The following PUM2 variants were observed in gnomAD, a reference collection of about 807,000 sequenced individuals.
The protein encoded by PUM2 is pumilio RNA binding family member 2.
In PUM2, 57 loss-of-function variants were observed where a neutral mutation model predicts 124.5. That is an observed-to-expected ratio of 0.46 (90% CI 0.37 to 0.57). The LOEUF (loss-of-function observed/expected upper bound fraction) is 0.57. Among genes scored for constraint, PUM2 ranks in the 20% least tolerant of loss-of-function variants. The pLI is 0.00. For missense variants in PUM2, 1,065 were observed against 1,290.6 expected, an observed-to-expected ratio of 0.83 and a Z score of 2.68; for synonymous variants, 460 against 446.1, an observed-to-expected ratio of 1.03 and a Z score of -0.39.
intron 3 of PUM2, 25 bp from the exon 4 acceptor site, chr2:20,312,448 A>T: frequency 6.3e-7 from 1 of 1,581,590 alleles, no homozygotes; most frequent in Non-Finnish European, 8.6e-7. Flanking sequence ...AAACACAATT[A>T]TATACTTATA....
chr2:20,308,528 G>C lies in PUM2; in HGVS notation c.575C>G (p.Pro192Arg), dbSNP rs769949260. The C allele has an allele frequency of 6.2e-7, 1 of 1,614,040 alleles. No homozygotes were observed. The highest frequency in any genetic ancestry group is 2.2e-5 in the East Asian group (1 of 44,884). Residue 192 changes from proline to arginine, a missense_variant, in exon 6 of 21, where the codon CCC (proline) becomes CGC (arginine). Pro to Arg is a moderately radical substitution (Grantham distance 103). Transcript: ENST00000361078. ...CAGTCCTTCTGAGGGATTAGTATTG[G>C]GGCCCAAGCGCTCAACTACTTCAGT... The part of the protein sequence containing the change: ...SPTEVVERLG[P>R]NTNPSEGLGP...
intron 1 of PUM2, among the ~76,000 whole-genome samples, chr2:20,336,717 G>C (rs1686137732): frequency 6.8e-6 from 1 of 146,912 alleles, no homozygotes; most frequent in South Asian, 2.2e-4. Context: ...GTGTGTTACA[G>C]ACGGGGTCTC....
At chr2:20,314,917 A>G (rs1471736044) in intron 3 of PUM2, among the ~76,000 whole-genome samples, 1 of 152,034 alleles carries the variant, frequency 6.6e-6, no homozygotes, top group Non-Finnish European at 1.5e-5. Context: ...TGATACTATG[A>G]GATCTGAAAG....
At chr2:20,329,273 A>G (rs551547500) in intron 1 of PUM2, among the ~76,000 whole-genome samples, 1 of 151,694 alleles carries the variant, frequency 6.6e-6, no homozygotes, top group African/African-American at 2.4e-5. Context: ...CTACAAAAAG[A>G]ATACAAAAAT....
At chr2:20,290,233 C>G (rs544517484) in intron 10 of PUM2, among the ~76,000 whole-genome samples, 2 of 152,256 alleles carry the variant, frequency 1.3e-5, no homozygotes, top group Admixed American at 1.3e-4. Flanking sequence ...CAAGATTAAA[C>G]AGGGTTCAAA....
intron 1 of PUM2, among the ~76,000 whole-genome samples, chr2:20,343,711 G>C (rs1280282695): frequency 6.6e-6 from 1 of 152,110 alleles, no homozygotes; most frequent in Non-Finnish European, 1.5e-5. Context: ...AGACCACATG[G>C]GGCAACAAAT....
chr2:20,338,135 G>A (rs1002957627), intron 1 of PUM2, among the ~76,000 whole-genome samples: 7 of 152,148 alleles, frequency 4.6e-5, no homozygotes, highest in Non-Finnish European at 8.8e-5. Context: ...GGTGGCTCAC[G>A]CCTGTAATCC....
intron 16 of PUM2, 85 bp from the exon 17 acceptor site, chr2:20,256,255 T>C: frequency 1.6e-6 from 2 of 1,285,544 alleles, no homozygotes; most frequent in Admixed American, 3.0e-5. Flanking sequence ...AAATTAAAAA[T>C]ATTAAAAATC....
At chr2:20,347,370 GA>G (rs1345564674) in intron 1 of PUM2, among the ~76,000 whole-genome samples, 1 of 151,818 alleles carries the variant, frequency 6.6e-6, no homozygotes, top group African/African-American at 2.4e-5. Flanking sequence ...GTTATTTGAA[GA>G]AAAAGTCACT....
chr2:20,311,515 T>A lies in PUM2; in HGVS notation c.497A>T (p.Asp166Val). Residue 166 changes from aspartate (D) to valine (V), a missense_variant, in exon 5 of 21, where the codon GAT (aspartate) becomes GTT (valine). Physicochemically the swap from Asp to Val is radical, Grantham distance 152. Around this residue, in one of 3 missense-constraint regions of PUM2, gnomAD observed 968 missense variants for 1,159.8 expected, o/e 0.83. Coordinates refer to ENST00000361078, the MANE Select transcript of PUM2 (RefSeq NM_015317.5). ...TTACTTAAAATCTTTGCAATCGGCA[T>A]CCATTCCATTTGGCAAACCTCTGCC... is the stretch of plus-strand genomic sequence containing the variant. ...INGRGLPNGM[D>V]ADCKDFNRTP... 1.2e-6 allele frequency: 2 copies of A among 1,608,756 alleles called. No individual in the cohort carries two copies. Among genetic ancestry groups the A allele is most frequent in the African/African-American group, 1.3e-5 (1 of 74,634 alleles).
chr2:20,302,476 T>C (rs1410965868), intron 7 of PUM2, among the ~76,000 whole-genome samples: 1 of 152,218 alleles, frequency 6.6e-6, no homozygotes, highest in Non-Finnish European at 1.5e-5. Flanking sequence ...AAAATTTCAG[T>C]CCATTAGGAA....
Position 20,311,599 on chromosome 2 carries a change from A to G in PUM2, c.413T>C (p.Phe138Ser), listed in dbSNP as rs2148598338. The change falls in exon 5 of 21, where the codon TTT becomes TCT. Residue 138 changes from phenylalanine to serine, a missense_variant. Phe to Ser is a radical substitution (Grantham distance 155, BLOSUM62 -2). This residue lies in a region of PUM2 where 968 missense variants were observed against 1,159.8 expected (regional missense o/e 0.83). Coordinates refer to ENST00000361078, the MANE Select transcript of PUM2 (RefSeq NM_015317.5). ...KGDQKGKASP[F>S]EEDQNRDLKQ... is the part of the protein sequence containing the mutation. ...AAGATCTCTGTTTTGGTCCTCCTCA[A>G]ATGGAGAAGCCTTGCCTTTTTGATC... The G allele has an allele frequency of 1.9e-6, 3 of 1,613,556 alleles. No homozygotes were observed. Among genetic ancestry groups the G allele is most frequent in the Non-Finnish European group, 2.5e-6 (3 of 1,179,664 alleles).
rs185090518 is a variant in PUM2, at chr2:20,338,690, T to C, written c.-18-11312A>G. ...GTGTTCCATGAAATGCTACTAGTTA[T>C]GAGGGAAGTCAAAGGAATACTAAGG... is the stretch of plus-strand genomic sequence containing the variant. On this transcript the variant is annotated intron_variant, in intron 1 of 20. Coordinates refer to ENST00000361078, the MANE Select transcript of PUM2 (RefSeq NM_015317.5). Among the ~76,000 whole-genome samples the C allele has an allele frequency of 1.1e-3, 168 of 152,306 alleles. No individual in the cohort carries two copies. In the Middle Eastern group the frequency reaches 0.02, roughly 19 times the overall value.
chr2:20,317,514 C>T (rs1305197750), intron 3 of PUM2, among the ~76,000 whole-genome samples: 2 of 152,118 alleles, frequency 1.3e-5, no homozygotes, highest in African/African-American at 4.8e-5. Context: ...TTAAATTAAT[C>T]TATCCCCCAT....
At chr2:20,259,939 T>C (rs1360614496) in intron 15 of PUM2, among the ~76,000 whole-genome samples, 3 of 152,248 alleles carry the variant, frequency 2.0e-5, no homozygotes, top group Non-Finnish European at 4.4e-5. Flanking sequence ...TCCACATTTG[T>C]TATTTTCCGA....
At chr2:20,308,092 C>G in intron 6 of PUM2, 21 bp from the exon 7 acceptor site, 12 of 1,591,450 alleles carry the variant, frequency 7.5e-6, no homozygotes, top group Non-Finnish European at 9.4e-6. Context: ...AAATATTTAA[C>G]ACAAAGATTA....
chr2:20,338,860 G>C (rs181147808), intron 1 of PUM2, among the ~76,000 whole-genome samples: 1 of 152,170 alleles, frequency 6.6e-6, no homozygotes, highest in Admixed American at 6.5e-5. Flanking sequence ...ACCATTAATA[G>C]TGGTCGCACC....
intron 10 of PUM2, 86 bp from the exon 11 acceptor site, chr2:20,283,572 T>A: frequency 7.6e-7 from 1 of 1,322,688 alleles, no homozygotes; most frequent in Non-Finnish European, 1.0e-6. Context: ...TTTTTTCAAC[T>A]AGACAACACA....
intron 9 of PUM2, among the ~76,000 whole-genome samples, chr2:20,292,613 C>T (rs1338501336): frequency 3.3e-5 from 5 of 151,426 alleles, no homozygotes; most frequent in Admixed American, 2.0e-4. Flanking sequence ...CCACTGCACC[C>T]GGCCTAAAAT....
Sources: gnomAD v4.1 joint callset for allele counts (sites outside exome capture counted in the v4.1 genomes callset) on GRCh38, gnomAD v4.1.1 for gene constraint, gnomAD v4.1.1 regional missense constraint, MANE v1.5 for transcripts, NCBI Gene and HGNC (gene_info 2026-07-23, HGNC 2026-07-21) for gene names.